Variants in MTF2 observed in about 807,000 individuals in gnomAD.
MTF2 encodes the protein metal-response element-binding transcription factor 2.
Under a neutral mutation model 79.5 loss-of-function variants are expected in MTF2, and 11 were observed. The ratio of observed to expected loss-of-function variants is 0.14; its 90% CI spans 0.09 to 0.23. The LOEUF (loss-of-function observed/expected upper bound fraction) is 0.23. MTF2 is among the 10% of genes least tolerant of loss of function. The pLI, the probability that MTF2 is intolerant of heterozygous loss-of-function variation, is 1.00. For synonymous variants in MTF2, 208 were observed against 232.8 expected, an observed-to-expected ratio of 0.89 and a Z score of 0.97; for missense variants, 486 against 711.2, an observed-to-expected ratio of 0.68 and a Z score of 3.60.
chr1:93,111,005 A>G (rs1438482645), intron 3 of MTF2, among the ~76,000 whole-genome samples: 1 of 152,216 alleles, frequency 6.6e-6, no homozygotes, highest in East Asian at 1.9e-4. Context: ...TAGGACATAT[A>G]AAACTGATTT....
At chr1:93,120,136 T>C (rs1207299772) in intron 8 of MTF2, 1 of 152,350 alleles carries the variant, frequency 6.6e-6, no homozygotes, top group African/African-American at 2.4e-5. Context: ...TACAAAAAAA[T>C]TTAGCCTAGC....
At position 93,119,325 on chromosome 1, in the gene MTF2, T is replaced by C; in HGVS notation, c.729-8T>C. 1.3e-6 allele frequency: 2 copies of C among 1,561,590 alleles called. No individual in the cohort carries two copies. The highest frequency in any genetic ancestry group is 1.2e-5 in the South Asian group (1 of 82,250). ...TATAAAACTTTTTCTTTTTTTTTTT[T>C]TTCTTAGATTTTATACGTTTATATG... On this transcript the variant is annotated splice_region_variant and splice_polypyrimidine_tract_variant and intron_variant, in intron 7 of 14. Coordinates refer to ENST00000370298, the MANE Select transcript of MTF2 (RefSeq NM_007358.4).
chr1:93,088,072 G>C (rs1280594205), intron 1 of MTF2, among the ~76,000 whole-genome samples: 1 of 151,890 alleles, frequency 6.6e-6, no homozygotes, highest in Non-Finnish European at 1.5e-5. Flanking sequence ...AAACTCTAGG[G>C]TATAGTTAGT....
intron 1 of MTF2, among the ~76,000 whole-genome samples, chr1:93,095,345 T>C (rs762887974): frequency 6.6e-6 from 1 of 152,142 alleles, no homozygotes; most frequent in Non-Finnish European, 1.5e-5. Flanking sequence ...TCTTTTTATT[T>C]TATTTTATTT....
intron 1 of MTF2, among the ~76,000 whole-genome samples, chr1:93,101,439 G>A (rs1180685565): frequency 6.8e-6 from 1 of 146,794 alleles, no homozygotes; most frequent in African/African-American, 2.5e-5. Flanking sequence ...GAGTGCAGTG[G>A]TGTGATTCCA....
chr1:93,117,186 C>T (rs1236653459), intron 6 of MTF2, among the ~76,000 whole-genome samples: 1 of 152,026 alleles, frequency 6.6e-6, no homozygotes, highest in Non-Finnish European at 1.5e-5. Flanking sequence ...TAAAGATAAC[C>T]GTATCAAAGT....
At chr1:93,136,295 T>C (rs1321420839) in intron 14 of MTF2, among the ~76,000 whole-genome samples, 1 of 152,216 alleles carries the variant, frequency 6.6e-6, no homozygotes, top group East Asian at 1.9e-4. Context: ...TTTGTGCTCA[T>C]TAATTATTTG....
At chr1:93,128,971 A>G in intron 10 of MTF2, 1 of 192,696 alleles carries the variant, frequency 5.2e-6, no homozygotes, top group Non-Finnish European at 1.0e-5. Flanking sequence ...ATGGGAAAGC[A>G]TATTGGGACC....
intron 9 of MTF2, among the ~76,000 whole-genome samples, chr1:93,125,744 G>C (rs1656671106): frequency 6.6e-6 from 1 of 152,018 alleles, no homozygotes; most frequent in South Asian, 2.1e-4. Flanking sequence ...TTAGTCAGAA[G>C]CTTAATATGA....
rs1647441066 is a variant in MTF2, at chr1:93,137,277, A to T, written c.*250A>T. 3.1e-6 allele frequency: 1 copy of T among 327,600 alleles called. No homozygotes were observed. The highest frequency in any genetic ancestry group is 8.0e-5 in the South Asian group (1 of 12,532). 20.3% of individuals were successfully genotyped at this position (327,600 alleles called of 1,614,324 possible). ...TTAAGATTTGTAGAATGTTTCTAGGATAGGATATTAAAAATGATTGAAACC... is the reference window on the plus strand; with the variant it reads ...TTAAGATTTGTAGAATGTTTCTAGGTTAGGATATTAAAAATGATTGAAACC... On this transcript the variant is annotated 3_prime_UTR_variant, in exon 15 of 15. Coordinates refer to ENST00000370298, the MANE Select transcript of MTF2 (RefSeq NM_007358.4).
intron 7 of MTF2, 83 bp from the exon 8 acceptor site, chr1:93,119,250 T>C: frequency 1.1e-6 from 1 of 916,808 alleles, no homozygotes; most frequent in Admixed American, 2.8e-5. Context: ...TGTAGGTTAT[T>C]CACTTGGTGA....
chr1:93,132,698 T>A (rs1301330148), intron 11 of MTF2, among the ~76,000 whole-genome samples: 1 of 152,120 alleles, frequency 6.6e-6, no homozygotes, highest in African/African-American at 2.4e-5. Context: ...TTCCCTGACC[T>A]TTTTTGGCAT....
intron 1 of MTF2, among the ~76,000 whole-genome samples, chr1:93,084,138 G>A (rs892212815): frequency 6.6e-6 from 1 of 151,358 alleles, no homozygotes; most frequent in African/African-American, 2.4e-5. Flanking sequence ...ATTTAGGTCC[G>A]TCATCTATTT....
At chr1:93,088,621 A>G (rs1254044675) in intron 1 of MTF2, among the ~76,000 whole-genome samples, 3 of 152,192 alleles carry the variant, frequency 2.0e-5, no homozygotes, top group Non-Finnish European at 2.9e-5. Context: ...GCGGGAATGC[A>G]GTGGTGCGAT....
At chr1:93,112,989 A>G (rs1460913822) in intron 3 of MTF2, among the ~76,000 whole-genome samples, 1 of 152,172 alleles carries the variant, frequency 6.6e-6, no homozygotes, top group Non-Finnish European at 1.5e-5. Flanking sequence ...AGGGAATTGT[A>G]AATTTTCACA....
intron 3 of MTF2, among the ~76,000 whole-genome samples, chr1:93,110,898 G>T (rs1656003648): frequency 6.6e-6 from 1 of 152,152 alleles, no homozygotes; most frequent in Admixed American, 6.5e-5. Context: ...ACTAATCTCA[G>T]TAACGGTTTG....
chr1:93,082,028 T>G (rs913839105), intron 1 of MTF2, among the ~76,000 whole-genome samples: 9 of 152,216 alleles, frequency 5.9e-5, no homozygotes, highest in African/African-American at 1.7e-4. Flanking sequence ...ATACCATGTC[T>G]TCTGTCATAT....
chr1:93,105,143 CAAAAAAAAA>C (rs11372021), intron 1 of MTF2, among the ~76,000 whole-genome samples: 1 of 110,504 alleles, frequency 9.0e-6, no homozygotes. Flanking sequence ...GACTCCGTCT[CAAAAAAAAA>C]AAAAAAAAAG....
chr1:93,127,221 A>G lies in MTF2; in HGVS notation c.922-11A>G. 6.2e-7 allele frequency: 1 copy of G among 1,602,672 alleles called. No individual in the cohort carries two copies. The highest frequency in any genetic ancestry group is 8.5e-7 in the Non-Finnish European group (1 of 1,169,894). On this transcript the variant is annotated splice_polypyrimidine_tract_variant and intron_variant, in intron 9 of 14. Transcript: ENST00000370298. Reference sequence around the variant, plus strand: ...TTGTAGTGCGTTAAATTGTTTCTTGATACTTCACAGCTGGCAGACACACCA... The same window carrying G: ...TTGTAGTGCGTTAAATTGTTTCTTGGTACTTCACAGCTGGCAGACACACCA...
Sources: gnomAD v4.1 joint callset for allele counts (sites outside exome capture counted in the v4.1 genomes callset) on GRCh38, gnomAD v4.1.1 for gene constraint, MANE v1.5 for transcripts, NCBI Gene and HGNC (gene_info 2026-07-23, HGNC 2026-07-21) for gene names.